SYNE3: variants seen among roughly 807,000 people sequenced by gnomAD.
The protein encoded by SYNE3 is nesprin-3.
A neutral mutation model predicts 111.2 loss-of-function variants in SYNE3; 100 were observed. The ratio of observed to expected loss-of-function variants is 0.90; its 90% confidence interval spans 0.77 to 1.06. The LOEUF is 1.06. SYNE3 is among the 50% of genes least tolerant of loss of function. The probability of loss-of-function intolerance (pLI) is 0.00; values close to 1 mark genes in which losing one functional copy is unlikely to be tolerated. For missense variants in SYNE3, 1,160 were observed against 1,240.3 expected (o/e 0.94, Z 0.97); for synonymous variants, 547 against 533.9 (o/e 1.02, Z -0.34).
At position 95,410,592 on chromosome 14, in the gene SYNE3, A is replaced by C. The variant is rs1903408182; in HGVS notation, c.*7234T>G. ...GGTACAGCAAGCATCCTGGGCCATG[A>C]AGTGACTGTGATATAAAGGAAGGAC... On this transcript the variant is annotated 3_prime_UTR_variant, in exon 18 of 18. Coordinates refer to ENST00000682763, the MANE Select transcript of SYNE3 (RefSeq NM_152592.6). 6.6e-6 allele frequency: 1 copy of C among 152,300 alleles called. No individual in the cohort carries two copies. The highest frequency in any genetic ancestry group is 1.5e-5 in the Non-Finnish European group (1 of 68,096). 9.4% of individuals were successfully genotyped at this position (152,300 alleles called of 1,614,324 possible).
At chr14:95,471,067 A>G (rs1302150279) in intron 2 of SYNE3, among the ~76,000 whole-genome samples, 2 of 152,144 alleles carry the variant, frequency 1.3e-5, no homozygotes, top group Non-Finnish European at 2.9e-5. Flanking sequence ...TAGCAACACA[A>G]TAAGTCCAAA....
At chr14:95,436,134 A>G (rs1310397323) in intron 15 of SYNE3, among the ~76,000 whole-genome samples, 3 of 152,188 alleles carry the variant, frequency 2.0e-5, no homozygotes, top group East Asian at 1.9e-4. Flanking sequence ...CCCCAGCCAT[A>G]TCCATACCCA....
chr14:95,475,371 T>TC (rs138825733), intron 2 of SYNE3, among the ~76,000 whole-genome samples: 21,803 of 152,046 alleles, frequency 0.14, 1,880 homozygotes, highest in Non-Finnish European at 0.19. Context: ...GCTGCACGGG[T>TC]CCCCCCTGCA....
Position 95,500,502 on chromosome 14 carries a change from T to TG in SYNE3, c.-15+16093dup, listed in dbSNP as rs1890296106. ...CCACAGCCAGGCAGCAGGGAGAAGC[T>TG]GCCCTCTGGGACTTTGCTTTGGCCC... On this transcript the variant is annotated intron_variant, in intron 1 of 17. Transcript: ENST00000682763. This position sits in a 1 kb window ranked among gnomAD's most constrained non-coding sequence, Gnocchi z 4.7. Among the ~76,000 whole-genome samples the TG allele has an allele frequency of 6.6e-6, 1 of 152,214 alleles. No homozygotes were observed. The highest frequency in any genetic ancestry group is 1.5e-5 in the Non-Finnish European group (1 of 68,028).
At position 95,415,322 on chromosome 14, in the gene SYNE3, G is replaced by C. The variant is rs908884825; in HGVS notation, c.*2504C>G. 1.7e-5 allele frequency: 2 copies of C among 120,558 alleles called. No homozygotes were observed. Among genetic ancestry groups the C allele is most frequent in the African/African-American group, 3.2e-5 (1 of 31,392 alleles). 7.5% of individuals were successfully genotyped at this position (120,558 alleles called of 1,614,324 possible). On this transcript the variant is annotated 3_prime_UTR_variant, in exon 18 of 18. Coordinates refer to ENST00000682763, the MANE Select transcript of SYNE3 (RefSeq NM_152592.6). ...GCCACTGCTCTGACTTCCAGGACTG[G>C]ACATCTGGGCTTGGCTGCCTGGGCT...
intron 1 of SYNE3, among the ~76,000 whole-genome samples, chr14:95,512,231 C>T (rs1890746891): frequency 6.6e-6 from 1 of 152,062 alleles, no homozygotes; most frequent in African/African-American, 2.4e-5. Flanking sequence ...TAAATCCAGC[C>T]AGATTAACAT....
intron 1 of SYNE3, among the ~76,000 whole-genome samples, chr14:95,512,774 C>T (rs192801979): frequency 6.6e-6 from 1 of 152,082 alleles, no homozygotes; most frequent in Admixed American, 6.5e-5. Flanking sequence ...AGGAGAATGG[C>T]GTAAACCCGG....
At chr14:95,505,098 C>T (rs970553238) in intron 1 of SYNE3, among the ~76,000 whole-genome samples, 3 of 152,250 alleles carry the variant, frequency 2.0e-5, no homozygotes, top group African/African-American at 7.2e-5. Context: ...GGACTCCGGG[C>T]AACTCCCTTC....
chr14:95,439,191 G>T (rs1391788671), intron 13 of SYNE3, 29 bp from the exon 14 acceptor site: 1 of 1,613,668 alleles, frequency 6.2e-7, no homozygotes. Flanking sequence ...CCCAGTCAAT[G>T]CAGAGATGTG....
chr14:95,480,919 A>G (rs1262685310), intron 1 of SYNE3, among the ~76,000 whole-genome samples: 1 of 152,204 alleles, frequency 6.6e-6, no homozygotes, highest in Non-Finnish European at 1.5e-5. Flanking sequence ...CAGCAGCAGA[A>G]GGGGAGTAGC....
At chr14:95,481,871 A>G (rs1350202574) in intron 1 of SYNE3, among the ~76,000 whole-genome samples, 1 of 152,254 alleles carries the variant, frequency 6.6e-6, no homozygotes, top group Non-Finnish European at 1.5e-5. Context: ...AGGAAAGGAT[A>G]CTGGCACCTG....
intron 2 of SYNE3, among the ~76,000 whole-genome samples, chr14:95,475,284 G>T (rs1166752459): frequency 6.6e-6 from 1 of 152,220 alleles, no homozygotes; most frequent in Non-Finnish European, 1.5e-5. Context: ...GGCCAACCCA[G>T]ATCTGGCAGG....
chr14:95,417,786 T>C lies in SYNE3; in HGVS notation c.*40A>G, dbSNP rs751899264. 7 of 1,604,848 alleles carry C rather than the reference T, an allele frequency of 4.4e-6. No homozygotes were observed. The Admixed American group carries it at 5.0e-5, about 11-fold the overall frequency. ...TCCTCAGGAGGGGCCCTGGGACTGA[T>C]GGAGGTTGGAGGAGAAAGTCACCTG... On this transcript the variant is annotated 3_prime_UTR_variant, in exon 18 of 18. Transcript: ENST00000682763.
intron 17 of SYNE3, among the ~76,000 whole-genome samples, chr14:95,431,472 A>T (rs1885757587): frequency 6.6e-6 from 1 of 152,214 alleles, no homozygotes; most frequent in Non-Finnish European, 1.5e-5. Flanking sequence ...GATGGCCAAT[A>T]CATAGCATCT....
intron 13 of SYNE3, 103 bp downstream of exon 13, chr14:95,439,509 A>T: frequency 6.7e-7 from 1 of 1,491,016 alleles, no homozygotes; most frequent in Non-Finnish European, 9.2e-7. Context: ...CTGGCTCCAC[A>T]CTGGGCAGCA....
At chr14:95,475,886 C>T (rs1888859384) in intron 1 of SYNE3, 51 bp from the exon 2 acceptor site, 12 of 1,378,052 alleles carry the variant, frequency 8.7e-6, no homozygotes, top group Non-Finnish European at 1.1e-5. Flanking sequence ...TAGGGGGCTG[C>T]AAAAAGACCC....
rs1433028654 is a variant in SYNE3 at position 95,439,156 on chromosome 14, G to A, written c.2253C>T (p.Ile751=). The A allele has an allele frequency of 8.1e-6, 13 of 1,614,120 alleles. No individual in the cohort carries two copies. Among genetic ancestry groups the A allele is most frequent in the Non-Finnish European group, 1.1e-5 (13 of 1,180,046 alleles). The part of the protein sequence containing the change: ...RLLEESLLSL[I]RNWHLQRMEV... ...CCATCCTCTGCAGATGCCAGTTTCT[G>A]ATGAGGCTGAGAAGACAAACTCAGC... The change falls in exon 14 of 18, where the codon ATC becomes ATT. Residue 751 remains isoleucine, a synonymous_variant. Coordinates refer to ENST00000682763, the MANE Select transcript of SYNE3 (RefSeq NM_152592.6).
In SYNE3 at chr14:95,466,181, T is replaced by C. The variant is rs1204641550; in HGVS notation, c.377A>G (p.Tyr126Cys). The change falls in exon 4 of 18, where the codon TAC (tyrosine) becomes TGC (cysteine). Residue 126 changes from tyrosine to cysteine, a missense_variant. By Grantham distance (194) the Tyr-to-Cys change is radical. Coordinates refer to ENST00000682763, the MANE Select transcript of SYNE3 (RefSeq NM_152592.6). ...SEYLLARDEF[Y>C]RWFQKMMVTL... ...GACCATCATCTTCTGGAACCAGCGG[T>C]AGAACTCATCTCGGGCCAGCAGGTA... 6 of 1,598,652 alleles carry C rather than the reference T, an allele frequency of 3.8e-6. No individual in the cohort carries two copies. Among genetic ancestry groups the C allele is most frequent in the Non-Finnish European group, 4.3e-6 (5 of 1,167,450 alleles).
intron 2 of SYNE3, among the ~76,000 whole-genome samples, chr14:95,469,314 T>C (rs911550937): frequency 2.0e-5 from 3 of 152,030 alleles, no homozygotes; most frequent in Admixed American, 1.3e-4. Context: ...GGCAGGTCAC[T>C]AGGCTACTCT....
Sources: gnomAD v4.1 joint callset for allele counts (sites outside exome capture counted in the v4.1 genomes callset) on GRCh38, gnomAD v4.1.1 for gene constraint, Gnocchi (gnomAD v3.1) non-coding constraint, MANE v1.5 for transcripts, NCBI Gene and HGNC (gene_info 2026-07-23, HGNC 2026-07-21) for gene names.